WWOX: variants seen among roughly 807,000 people sequenced by gnomAD.
The protein encoded by WWOX is WW domain-containing oxidoreductase.
In WWOX, 69 loss-of-function variants were observed where a neutral mutation model predicts 46.2. The observed-to-expected ratio is 1.49, with a 90% CI of 1.23 to 1.82. The LOEUF is 1.82. Ranked by LOEUF, WWOX falls within the 40% of genes most tolerant of loss-of-function variation. The pLI, the probability that WWOX is intolerant of heterozygous loss-of-function variation, is 0.00. For missense variants in WWOX, 919 were observed against 542.6 expected, an observed-to-expected ratio of 1.69 and a Z score of -6.89; for synonymous variants, 359 against 202.6, an observed-to-expected ratio of 1.77 and a Z score of -6.56.
chr16:78,700,963 T>C (rs773211303), intron 8 of WWOX, among the ~76,000 whole-genome samples: 16 of 152,028 alleles, frequency 1.1e-4, no homozygotes, highest in Non-Finnish European at 2.1e-4. Flanking sequence ...TCAGTGGGTG[T>C]TGTAGGGGGA....
At chr16:78,391,518 G>A (rs976401714) in intron 6 of WWOX, among the ~76,000 whole-genome samples, 1 of 152,196 alleles carries the variant, frequency 6.6e-6, no homozygotes, top group Non-Finnish European at 1.5e-5. Flanking sequence ...AGGAATTTCA[G>A]TGTGGATTTC....
intron 8 of WWOX, among the ~76,000 whole-genome samples, chr16:78,539,254 G>C (rs933630117): frequency 6.6e-6 from 1 of 152,216 alleles, no homozygotes; most frequent in Non-Finnish European, 1.5e-5. Flanking sequence ...TAGATGCACA[G>C]ACAAAATCAC....
rs575783010 is a variant in WWOX at position 78,412,946 on chromosome 16, T to A, written c.606-11924T>A. 2.0e-5 allele frequency among the ~76,000 whole-genome samples: 3 copies of A among 152,300 alleles called. No homozygotes were observed. The South Asian group carries it at 6.2e-4, about 32-fold the overall frequency. On this transcript the variant is annotated intron_variant, in intron 6 of 8. Transcript: ENST00000566780. The stretch of plus-strand genomic sequence containing the variant: ...GCCCTTGTCTTTTTTACCCTCTTTG[T>A]TTTCTGCATTTCTTTCCTTCTGTTC...
rs897686747 is a variant in WWOX, at chr16:79,153,248, G to A, written c.1057-58360G>A. Among the ~76,000 whole-genome samples, 4 of 152,240 alleles carry A rather than the reference G, an allele frequency of 2.6e-5. No individual in the cohort carries two copies. The East Asian group carries it at 7.7e-4, about 29-fold the overall frequency. On this transcript the variant is annotated intron_variant, in intron 8 of 8. Transcript: ENST00000566780. ...CGAAAAGATTCCAGCACTAAAGTTT[G>A]ACCCCAGTCCTACCTGACTTCCTTT... is the stretch of plus-strand genomic sequence containing the variant.
intron 8 of WWOX, among the ~76,000 whole-genome samples, chr16:79,012,940 C>G (rs144332386): frequency 0.014 from 2,117 of 152,278 alleles, 35 homozygotes; most frequent in South Asian, 0.082. Context: ...GCCTGTATTC[C>G]CAGCCCTTTG....
chr16:78,256,595 T>C (rs934034238), intron 5 of WWOX, among the ~76,000 whole-genome samples: 2 of 151,844 alleles, frequency 1.3e-5, no homozygotes, highest in Non-Finnish European at 2.9e-5. Flanking sequence ...ATTAGCAAAC[T>C]GTCCTTTGCT....
intron 5 of WWOX, among the ~76,000 whole-genome samples, chr16:78,251,399 G>T (rs1039655462): frequency 4.6e-5 from 7 of 152,078 alleles, no homozygotes; most frequent in African/African-American, 1.7e-4. Flanking sequence ...GCCCTCTTTT[G>T]CCATTTCTGC....
chr16:78,387,722 G>A (rs1567542456), intron 6 of WWOX, among the ~76,000 whole-genome samples: 1 of 152,024 alleles, frequency 6.6e-6, no homozygotes, highest in Non-Finnish European at 1.5e-5. Context: ...TTTAGGGCAG[G>A]CAATCCTGGT....
intron 8 of WWOX, among the ~76,000 whole-genome samples, chr16:78,941,712 T>A (rs1244014528): frequency 2.6e-5 from 4 of 152,302 alleles, no homozygotes; most frequent in Non-Finnish European, 5.9e-5. Context: ...TTCTCAGGTT[T>A]CCTTTCCCAG....
chr16:78,864,390 C>A (rs536799737), intron 8 of WWOX, among the ~76,000 whole-genome samples: 1 of 152,156 alleles, frequency 6.6e-6, no homozygotes, highest in South Asian at 2.1e-4. Flanking sequence ...ACCTCAGCCT[C>A]CTGAGTAGAT....
intron 8 of WWOX, among the ~76,000 whole-genome samples, chr16:78,610,606 G>T (rs1050528055): frequency 6.6e-6 from 1 of 152,042 alleles, no homozygotes; most frequent in African/African-American, 2.4e-5. Context: ...CTCTGTGTGA[G>T]TTCTGAAAGT....
At position 78,910,773 on chromosome 16, in the gene WWOX, C is replaced by T. The variant is rs2045089432; in HGVS notation, c.1057-300835C>T. ...TGGGACTTACTCACTATCACAGAAA[C>T]AACATGGCAAAGACCCATCCCCATG... On this transcript the variant is annotated intron_variant, in intron 8 of 8. Transcript: ENST00000566780. Among the ~76,000 whole-genome samples the T allele has an allele frequency of 3.3e-5, 5 of 151,976 alleles. No homozygotes were observed. In the South Asian group the frequency reaches 1.0e-3, roughly 32 times the overall value.
intron 8 of WWOX, among the ~76,000 whole-genome samples, chr16:78,791,750 C>A (rs953735472): frequency 6.6e-6 from 1 of 151,988 alleles, no homozygotes; most frequent in Non-Finnish European, 1.5e-5. Context: ...TTTGGTGGCG[C>A]CTGCCTATAA....
chr16:79,137,682 C>T (rs1009172720), intron 8 of WWOX, among the ~76,000 whole-genome samples: 1 of 152,126 alleles, frequency 6.6e-6, no homozygotes, highest in Non-Finnish European at 1.5e-5. Flanking sequence ...TTTCTCCTCC[C>T]TCCTCCGTCT....
intron 6 of WWOX, 55 bp from the exon 7 acceptor site, chr16:78,424,815 T>C: frequency 6.2e-7 from 1 of 1,601,582 alleles, no homozygotes; most frequent in Non-Finnish European, 8.6e-7. Context: ...GGAGCATGGA[T>C]TATCCTTGGT....
chr16:78,311,559 A>G (rs574225659), intron 5 of WWOX, among the ~76,000 whole-genome samples: 1 of 152,202 alleles, frequency 6.6e-6, no homozygotes, highest in Non-Finnish European at 1.5e-5. Context: ...ATGCCGTAAC[A>G]GTGAGCAAGC....
intron 8 of WWOX, among the ~76,000 whole-genome samples, chr16:78,706,996 C>G (rs991688871): frequency 6.6e-6 from 1 of 152,060 alleles, no homozygotes; most frequent in Non-Finnish European, 1.5e-5. Flanking sequence ...AGTCAGTTGC[C>G]TAGTAGGCCT....
At chr16:78,689,075 A>G (rs1026819101) in intron 8 of WWOX, among the ~76,000 whole-genome samples, 1 of 152,170 alleles carries the variant, frequency 6.6e-6, no homozygotes, top group Non-Finnish European at 1.5e-5. Context: ...CCAGGCTTGC[A>G]TATGTCTTTA....
chr16:78,594,396 T>C (rs1373865750), intron 8 of WWOX, among the ~76,000 whole-genome samples: 1 of 142,870 alleles, frequency 7.0e-6, no homozygotes, highest in Non-Finnish European at 1.5e-5. Context: ...CTCTTTGTGT[T>C]ACCTGAGTCT....
Sources: gnomAD v4.1 joint callset for allele counts (sites outside exome capture counted in the v4.1 genomes callset) on GRCh38, gnomAD v4.1.1 for gene constraint, MANE v1.5 for transcripts, NCBI Gene and HGNC (gene_info 2026-07-23, HGNC 2026-07-21) for gene names.